Variants in PCDHGA10 observed in about 807,000 individuals in gnomAD.
PCDHGA10 encodes the protein protocadherin gamma-A10.
PCDHGA10 carries 42 observed loss-of-function variants against 59.5 expected under a neutral mutation model. The observed-to-expected ratio is 0.71, with a 90% CI of 0.55 to 0.91. The LOEUF is 0.91. Among genes scored for constraint, PCDHGA10 ranks in the 40% least tolerant of loss-of-function variants. PCDHGA10 has a pLI of 0.00. For missense variants in PCDHGA10, 1,111 were observed against 1,198.2 expected (o/e 0.93, Z 1.07); for synonymous variants, 511 against 517.2 (o/e 0.99, Z 0.16).
chr5:141,472,188 G>C (rs779077950), intron 1 of PCDHGA10, among the ~76,000 whole-genome samples: 4 of 152,168 alleles, frequency 2.6e-5, no homozygotes, highest in Middle Eastern at 3.2e-3. Context: ...ATTGGAATTT[G>C]AATCTTTTTG....
At chr5:141,437,497 T>A (rs2097889891) in intron 1 of PCDHGA10, among the ~76,000 whole-genome samples, 1 of 152,190 alleles carries the variant, frequency 6.6e-6, no homozygotes, top group Non-Finnish European at 1.5e-5. Flanking sequence ...TAGATCACTT[T>A]TCAATGAATT....
chr5:141,491,612 G>C lies in PCDHGA10; in HGVS notation c.2437-3195G>C, dbSNP rs759955730. 1 of 1,613,906 alleles carries C rather than the reference G, an allele frequency of 6.2e-7. No individual in the cohort carries two copies. Among genetic ancestry groups the C allele is most frequent in the South Asian group, 1.1e-5 (1 of 91,080 alleles). ...GACGGCAGTGACTTCACTTTTCTAA[G>C]ACCCCTCAGCGTTCAGCAGCCCACA... On this transcript the variant is annotated intron_variant, in intron 1 of 3. Transcript: ENST00000398610. The surrounding 1 kb of genome is among the most constrained non-coding windows in gnomAD (Gnocchi z 6.9).
At chr5:141,447,284 C>A (rs979564320) in intron 1 of PCDHGA10, among the ~76,000 whole-genome samples, 1 of 152,124 alleles carries the variant, frequency 6.6e-6, no homozygotes, top group African/African-American at 2.4e-5. Context: ...GGACTACAGG[C>A]ACATGCCACC....
rs766474451 is a variant in PCDHGA10 at position 141,477,676 on chromosome 5, AT to A, written c.2437-17130del. On this transcript the variant is annotated intron_variant, in intron 1 of 3. Coordinates refer to ENST00000398610, the MANE Select transcript of PCDHGA10 (RefSeq NM_018913.3). This position sits in a 1 kb window ranked among gnomAD's most constrained non-coding sequence, Gnocchi z 4.9. ...TAAATCGTGACAATGGCATAGTGTCATCCTTAGTGCCCCTAGACTATGAGGA... is the reference window on the plus strand; with the variant it reads ...TAAATCGTGACAATGGCATAGTGTCACCTTAGTGCCCCTAGACTATGAGGA... 6.2e-7 allele frequency: 1 copy of A among 1,614,194 alleles called. No homozygotes were observed. The highest frequency in any genetic ancestry group is 2.2e-5 in the East Asian group (1 of 44,886).
chr5:141,415,277 T>A lies in PCDHGA10; in HGVS notation c.2102T>A (p.Val701Glu), dbSNP rs533281226. 42 of 1,614,216 alleles carry A rather than the reference T, an allele frequency of 2.6e-5. No individual in the cohort carries two copies. In the South Asian group the frequency reaches 4.4e-4, roughly 17 times the overall value. The change falls in exon 1 of 4, where the codon GTG (valine) becomes GAG (glutamate). Residue 701 changes from valine to glutamate, a missense_variant. Coordinates refer to ENST00000398610, the MANE Select transcript of PCDHGA10 (RefSeq NM_018913.3). The part of the protein sequence containing the change: ...SDLTLYLVVA[V>E]AAVSCVFLAF... Reference sequence around the variant, plus strand: ...CTCACTCTGTACCTGGTGGTAGCGGTGGCCGCGGTCTCCTGCGTCTTCCTG... The same window carrying A: ...CTCACTCTGTACCTGGTGGTAGCGGAGGCCGCGGTCTCCTGCGTCTTCCTG...
chr5:141,476,357 C>G lies in PCDHGA10; in HGVS notation c.2437-18450C>G. On this transcript the variant is annotated intron_variant, in intron 1 of 3. Transcript: ENST00000398610. The surrounding 1 kb of genome is among the most constrained non-coding windows in gnomAD (Gnocchi z 7.6). ...TAGCCGAAGATTCTTTGAGGTGAAC[C>G]GGGAGACCGGAGAGATGTTTGTGAA... The G allele has an allele frequency of 6.2e-7, 1 of 1,614,052 alleles. No individual in the cohort carries two copies. Among genetic ancestry groups the G allele is most frequent in the South Asian group, 1.1e-5 (1 of 91,078 alleles).
intron 1 of PCDHGA10, among the ~76,000 whole-genome samples, chr5:141,445,078 G>T (rs1591839605): frequency 6.6e-6 from 1 of 152,208 alleles, no homozygotes; most frequent in East Asian, 1.9e-4. Flanking sequence ...TCATTAAATT[G>T]TCCCTACATA....
At chr5:141,479,842 G>A (rs1167563746) in intron 1 of PCDHGA10, among the ~76,000 whole-genome samples, 3 of 152,172 alleles carry the variant, frequency 2.0e-5, no homozygotes, top group African/African-American at 7.2e-5. Context: ...TCCATGCAAG[G>A]TGACTGCAAG....
intron 1 of PCDHGA10, among the ~76,000 whole-genome samples, chr5:141,470,752 C>T (rs1427502169): frequency 6.6e-6 from 1 of 152,178 alleles, no homozygotes; most frequent in Non-Finnish European, 1.5e-5. Flanking sequence ...GGCTGGAGTG[C>T]AGTGGACTCA....
At chr5:141,464,816 G>A (rs11167751) in intron 1 of PCDHGA10, among the ~76,000 whole-genome samples, 42,470 of 151,904 alleles carry the variant, frequency 0.28, 6,668 homozygotes, top group African/African-American at 0.43. Context: ...ATAGCTCACT[G>A]TAGCCTCGCA....
intron 1 of PCDHGA10, among the ~76,000 whole-genome samples, chr5:141,448,629 C>T (rs1188418541): frequency 6.6e-6 from 1 of 152,060 alleles, no homozygotes; most frequent in Non-Finnish European, 1.5e-5. Flanking sequence ...CCTTTCTTCA[C>T]ATTATATCCT....
chr5:141,461,088 G>A (rs2099008870), intron 1 of PCDHGA10, among the ~76,000 whole-genome samples: 1 of 151,800 alleles, frequency 6.6e-6, no homozygotes, highest in Non-Finnish European at 1.5e-5. Context: ...GAATTGTGCT[G>A]CTATAAACAT....
At chr5:141,416,434 A>G (rs2096024040) in intron 1 of PCDHGA10, 1 of 152,222 alleles carries the variant, frequency 6.6e-6, no homozygotes, top group African/African-American at 2.4e-5. Context: ...CTAAGGCTGA[A>G]AGTAAATATG....
intron 1 of PCDHGA10, among the ~76,000 whole-genome samples, chr5:141,455,959 G>T (rs112864392): frequency 0.11 from 16,680 of 150,504 alleles, 1,459 homozygotes; most frequent in African/African-American, 0.24. Context: ...GTGCAGTGGC[G>T]CGATCTCAGC....
rs138745923 is a variant in PCDHGA10, at chr5:141,420,954, A to C, written c.2436+5343A>C. On this transcript the variant is annotated intron_variant, in intron 1 of 3. Transcript: ENST00000398610. ...GTAATCATTTCTTCTGGAATTTCTTAGTCGTTGCAATAATAAGAATGGGCT... is the reference window on the plus strand; with the variant it reads ...GTAATCATTTCTTCTGGAATTTCTTCGTCGTTGCAATAATAAGAATGGGCT... 3.9e-3 allele frequency: 1,621 copies of C among 412,482 alleles called. 10 individuals are homozygous for C. The highest frequency in any genetic ancestry group is 0.01 in the Admixed American group (249 of 24,550). The allele number at this position is 412,482 out of a possible 1,614,324, so 25.6% of individuals were successfully genotyped here.
chr5:141,413,695 T>C lies in PCDHGA10; in HGVS notation c.520T>C (p.Tyr174His), dbSNP rs573363878. The C allele has an allele frequency of 4.8e-5, 77 of 1,613,796 alleles. 1 individual carries two copies. The highest frequency in any genetic ancestry group is 3.0e-4 in the South Asian group (27 of 91,078). ...PDVGVNSLQS[Y>H]QLSPNKHFSL... ...TGTGGGCGTGAACTCCCTGCAGAGC[T>C]ATCAGCTCAGCCCCAATAAGCACTT... Residue 174 changes from tyrosine to histidine, a missense_variant, in exon 1 of 4, where the codon TAT (tyrosine) becomes CAT (histidine). Tyr to His is a moderately conservative substitution (Grantham distance 83). Transcript: ENST00000398610.
At position 141,491,687 on chromosome 5, in the gene PCDHGA10, G is replaced by T. The variant is rs946829558; in HGVS notation, c.2437-3120G>T. 6.2e-7 allele frequency: 1 copy of T among 1,613,072 alleles called. No individual in the cohort carries two copies. Among genetic ancestry groups the T allele is most frequent in the African/African-American group, 1.3e-5 (1 of 75,046 alleles). On this transcript the variant is annotated intron_variant, in intron 1 of 3. Transcript: ENST00000398610. This position sits in a 1 kb window ranked among gnomAD's most constrained non-coding sequence, Gnocchi z 6.9. ...ATCCGGTCCCGCTCTAATACGCTGC[G>T]GGAGCGGAGCCAGGTGAGGGGCTCG...
chr5:141,422,370 T>G (rs2096643676), intron 1 of PCDHGA10: 1 of 1,566,604 alleles, frequency 6.4e-7, no homozygotes, highest in African/African-American at 1.4e-5. Flanking sequence ...GAGAAAATGG[T>G]CAAGTCTCCT....
chr5:141,482,917 C>CA (rs761402624), intron 1 of PCDHGA10, among the ~76,000 whole-genome samples: 5 of 152,042 alleles, frequency 3.3e-5, no homozygotes, highest in Non-Finnish European at 7.4e-5. Context: ...ATTAAAAATA[C>CA]AAAAAATTAG....
Sources: allele counts gnomAD v4.1 joint callset (sites outside exome capture counted in the v4.1 genomes callset), GRCh38; gene constraint gnomAD v4.1.1; non-coding constraint Gnocchi (gnomAD v3.1); transcripts MANE v1.5; gene names NCBI Gene and HGNC (gene_info 2026-07-23, HGNC 2026-07-21).